The following ADCY5 variants were observed in gnomAD, a reference collection of about 807,000 sequenced individuals.
ADCY5 encodes the protein adenylate cyclase 5.
ADCY5 carries 30 observed loss-of-function variants against 119.7 expected under a neutral mutation model. The ratio of observed to expected loss-of-function variants is 0.25; its 90% CI spans 0.19 to 0.34. The LOEUF (loss-of-function observed/expected upper bound fraction) is 0.34, where lower values mean the gene tolerates loss of function less well. Among genes scored for constraint, ADCY5 ranks in the 10% least tolerant of loss-of-function variants. The probability of loss-of-function intolerance (pLI) is 1.00; values close to 1 mark genes in which losing one functional copy is unlikely to be tolerated. For synonymous variants in ADCY5, 753 were observed against 762.2 expected (o/e 0.99, Z 0.20); for missense variants, 1,324 against 1,775.2 (o/e 0.75, Z 4.57).
chr3:123,307,944 C>G (rs1940287431), intron 12 of ADCY5, among the ~76,000 whole-genome samples: 1 of 149,276 alleles, frequency 6.7e-6, no homozygotes, highest in South Asian at 2.1e-4. Context: ...GTGGCTCTAC[C>G]ATCTAATGAA....
chr3:123,327,586 C>T, intron 7 of ADCY5, 32 bp downstream of exon 7: 2 of 1,596,430 alleles, frequency 1.3e-6, no homozygotes, highest in South Asian at 1.1e-5. Context: ...AGGAAGGGAG[C>T]CCCTCAGCCC....
chr3:123,356,138 A>T (rs1276640663), intron 1 of ADCY5, among the ~76,000 whole-genome samples: 1 of 152,232 alleles, frequency 6.6e-6, no homozygotes, highest in Non-Finnish European at 1.5e-5. Context: ...TACTATACAC[A>T]AAAATTCACT....
chr3:123,362,767 T>A (rs1022276138), intron 1 of ADCY5, among the ~76,000 whole-genome samples: 4 of 152,200 alleles, frequency 2.6e-5, no homozygotes, highest in African/African-American at 9.7e-5. Context: ...TTCATAAACA[T>A]TCAGTTCGCA....
Position 123,286,693 on chromosome 3 carries a change from G to A in ADCY5, c.3649C>T (p.Arg1217Cys), listed in dbSNP as rs1345305850. The A allele has an allele frequency of 8.7e-6, 14 of 1,610,926 alleles. No homozygotes were observed. Among genetic ancestry groups the A allele is most frequent in the Non-Finnish European group, 1.1e-5 (13 of 1,178,596 alleles). The change falls in exon 20 of 21, where the codon CGC becomes TGC. Residue 1217 changes from arginine to cysteine, a missense_variant. Around this residue, in one of 6 missense-constraint regions of ADCY5, gnomAD observed 178 missense variants for 329.6 expected, o/e 0.54. Coordinates refer to ENST00000462833, the MANE Select transcript of ADCY5 (RefSeq NM_183357.3). The surrounding 1 kb of genome is among the most constrained non-coding windows in gnomAD (Gnocchi z 4.2). ...GATGCTCCTGCACTCACCTGGATGC[G>A]GTCGGGTACACCGGTGCTGTCCATG... is the stretch of plus-strand genomic sequence containing the variant. ...SRMDSTGVPD[R>C]IQVTTDMYQV...
intron 7 of ADCY5, among the ~76,000 whole-genome samples, chr3:123,326,693 C>G (rs886351890): frequency 2.0e-5 from 3 of 152,236 alleles, no homozygotes; most frequent in African/African-American, 7.2e-5. Context: ...CCCCATCCCT[C>G]TTCCTGGTGC....
intron 1 of ADCY5, among the ~76,000 whole-genome samples, chr3:123,439,255 G>C (rs1202399638): frequency 6.6e-6 from 1 of 150,834 alleles, no homozygotes; most frequent in Non-Finnish European, 1.5e-5. Context: ...GTAGAGACGG[G>C]GTTTCACCGT....
At chr3:123,328,318 C>T (rs189068391) in intron 6 of ADCY5, among the ~76,000 whole-genome samples, 2 of 152,222 alleles carry the variant, frequency 1.3e-5, no homozygotes, top group African/African-American at 4.8e-5. Flanking sequence ...TCTAGCCATC[C>T]CAGAAACTAT....
At chr3:123,420,164 G>A (rs1377422637) in intron 1 of ADCY5, 1 of 152,202 alleles carries the variant, frequency 6.6e-6, no homozygotes, top group Non-Finnish European at 1.5e-5. Flanking sequence ...CCCACCCTGG[G>A]GACAGGTCTC....
At chr3:123,335,692 C>G (rs2108428341) in intron 3 of ADCY5, among the ~76,000 whole-genome samples, 1 of 152,262 alleles carries the variant, frequency 6.6e-6, no homozygotes, top group East Asian at 1.9e-4. Context: ...TCAGCAGCTT[C>G]TCACCAGCTC....
chr3:123,345,562 T>A (rs544311331), intron 3 of ADCY5, among the ~76,000 whole-genome samples: 1 of 152,260 alleles, frequency 6.6e-6, no homozygotes, highest in Admixed American at 6.5e-5. Flanking sequence ...TTGGCTCGTA[T>A]ATGTTGGGAC....
intron 3 of ADCY5, among the ~76,000 whole-genome samples, chr3:123,345,826 C>T (rs1264253355): frequency 6.9e-6 from 1 of 143,942 alleles, no homozygotes; most frequent in African/African-American, 2.8e-5. Context: ...TGCCTCTCCT[C>T]TGAGTCTCCT....
chr3:123,339,731 C>T (rs1942188362), intron 3 of ADCY5, among the ~76,000 whole-genome samples: 1 of 147,762 alleles, frequency 6.8e-6, no homozygotes, highest in Non-Finnish European at 1.5e-5. Context: ...CACCCAAACC[C>T]CTCTCGTTTC....
chr3:123,358,059 T>C (rs1383217178), intron 1 of ADCY5, among the ~76,000 whole-genome samples: 1 of 152,244 alleles, frequency 6.6e-6, no homozygotes, highest in Non-Finnish European at 1.5e-5. Context: ...TCAGTCACTC[T>C]TGAGGCTTCA....
chr3:123,435,117 T>C (rs1373433925), intron 1 of ADCY5, among the ~76,000 whole-genome samples: 5 of 152,036 alleles, frequency 3.3e-5, no homozygotes, highest in Non-Finnish European at 1.5e-5. Context: ...AGACTCCATC[T>C]CCACAAAAAA....
In ADCY5 at chr3:123,372,857, G is replaced by A. The variant is rs1331307819; in HGVS notation, c.1135-20276C>T. Among the ~76,000 whole-genome samples the A allele has an allele frequency of 2.0e-5, 3 of 152,302 alleles. No individual in the cohort carries two copies. The East Asian group carries it at 5.8e-4, about 29-fold the overall frequency. On this transcript the variant is annotated intron_variant, in intron 1 of 20. Transcript: ENST00000462833. ...AATCAGCATTGGCAAGTCTGAACGT[G>A]TGTCAACTGGTTTTTAAAATTTTTT...
chr3:123,404,151 AC>A (rs1173519786), intron 1 of ADCY5: 6 of 152,280 alleles, frequency 3.9e-5, no homozygotes, highest in African/African-American at 1.4e-4. Flanking sequence ...ATTACAAAGC[AC>A]CAGCGAAGGC....
At chr3:123,406,780 C>T (rs1944914110) in intron 1 of ADCY5, among the ~76,000 whole-genome samples, 1 of 152,130 alleles carries the variant, frequency 6.6e-6, no homozygotes, top group Non-Finnish European at 1.5e-5. Flanking sequence ...TGACTCCACC[C>T]AGCTGGACTC....
chr3:123,356,660 T>C (rs1444373313), intron 1 of ADCY5, among the ~76,000 whole-genome samples: 1 of 152,122 alleles, frequency 6.6e-6, no homozygotes, highest in Non-Finnish European at 1.5e-5. Flanking sequence ...GAAGTTAAAT[T>C]AGATTAAAAA....
chr3:123,329,396 C>T (rs12487712), intron 5 of ADCY5, among the ~76,000 whole-genome samples: 20,960 of 152,100 alleles, frequency 0.14, 1,629 homozygotes, highest in Middle Eastern at 0.25. Context: ...AGCTTGGTCC[C>T]GGCCACATGC....
Sources: allele counts gnomAD v4.1 joint callset (sites outside exome capture counted in the v4.1 genomes callset), GRCh38; gene constraint gnomAD v4.1.1; regional missense constraint gnomAD v4.1.1; non-coding constraint Gnocchi (gnomAD v3.1); transcripts MANE v1.5; gene names NCBI Gene and HGNC (gene_info 2026-07-23, HGNC 2026-07-21).